Variants in IL1RAP observed in about 807,000 individuals in gnomAD.
IL1RAP encodes interleukin 1 receptor accessory protein.
In IL1RAP, 35 loss-of-function variants were observed where a neutral mutation model predicts 60.7. The observed-to-expected ratio is 0.58, with a 90% CI of 0.44 to 0.76. The LOEUF (loss-of-function observed/expected upper bound fraction) is 0.76, where lower values mean the gene tolerates loss of function less well. Ranked by LOEUF, IL1RAP falls within the 30% of genes least tolerant of loss-of-function variation. The probability of loss-of-function intolerance (pLI) is 0.00; values close to 1 mark genes in which losing one functional copy is unlikely to be tolerated. For synonymous variants in IL1RAP, 268 were observed against 250.9 expected (o/e 1.07, Z -0.64); for missense variants, 572 against 693.9 (o/e 0.82, Z 1.97).
intron 1 of IL1RAP, among the ~76,000 whole-genome samples, chr3:190,539,217 G>C (rs1039112950): frequency 6.6e-6 from 1 of 152,076 alleles, no homozygotes; most frequent in African/African-American, 2.4e-5. Context: ...TTTATGAATA[G>C]GACTATATCT....
intron 6 of IL1RAP, among the ~76,000 whole-genome samples, chr3:190,620,804 A>T (rs1480819905): frequency 3.3e-5 from 5 of 152,226 alleles, no homozygotes; most frequent in African/African-American, 9.6e-5. Context: ...TATTTAAAAA[A>T]ATATTCATAT....
rs1417466619 is a variant in IL1RAP at position 190,572,402 on chromosome 3, AAG to A, written c.64+8053_64+8054del. ...CTCAAGGTAAAGGCAAATAAGAAAA[AAG>A]AGAAGAAGGAGAGAAAAGAGGAATA... On this transcript the variant is annotated intron_variant, in intron 3 of 11. Transcript: ENST00000447382. Among the ~76,000 whole-genome samples, 4 of 152,158 alleles carry A rather than the reference AAG, an allele frequency of 2.6e-5. No individual in the cohort carries two copies. The East Asian group carries it at 7.7e-4, about 29-fold the overall frequency.
rs754008838 is a variant in IL1RAP at position 190,629,453 on chromosome 3, A to G, written c.1006A>G (p.Ser336Gly). 2 of 1,613,774 alleles carry G rather than the reference A, an allele frequency of 1.2e-6. No individual in the cohort carries two copies. The highest frequency in any genetic ancestry group is 4.5e-5 in the East Asian group (2 of 44,862). The stretch of plus-strand genomic sequence containing the variant: ...GCGCAGCTATGTCTGTCATGCTAGA[A>G]GTGCCAAAGGCGAAGTTGCCAAAGC... ...LKRSYVCHAR[S>G]AKGEVAKAAK... The change falls in exon 9 of 12, where the codon AGT (serine) becomes GGT (glycine). Residue 336 changes from serine to glycine, a missense_variant. Coordinates refer to ENST00000447382, the MANE Select transcript of IL1RAP (RefSeq NM_002182.4).
intron 3 of IL1RAP, among the ~76,000 whole-genome samples, chr3:190,593,707 C>T (rs993298065): frequency 2.6e-5 from 4 of 152,020 alleles, no homozygotes; most frequent in African/African-American, 9.7e-5. Context: ...CAGGAAAGAC[C>T]CACCCCCATG....
chr3:190,636,623 G>C (rs2108837847), intron 9 of IL1RAP, among the ~76,000 whole-genome samples: 1 of 151,784 alleles, frequency 6.6e-6, no homozygotes, highest in Non-Finnish European at 1.5e-5. Flanking sequence ...CTCACTGCCA[G>C]CTTTCTTATA....
chr3:190,550,906 G>T (rs888922750), intron 1 of IL1RAP, among the ~76,000 whole-genome samples: 1 of 152,216 alleles, frequency 6.6e-6, no homozygotes, highest in African/African-American at 2.4e-5. Context: ...TTGCAAAATA[G>T]ACTTTAGTCT....
At chr3:190,545,181 G>A (rs1724261466) in intron 1 of IL1RAP, among the ~76,000 whole-genome samples, 2 of 152,110 alleles carry the variant, frequency 1.3e-5, no homozygotes, top group Non-Finnish European at 2.9e-5. Flanking sequence ...ACACCAAAGA[G>A]GACTGAAATA....
In IL1RAP at chr3:190,627,456, TG is replaced by T; in HGVS notation, c.902+12del. 6.2e-7 allele frequency: 1 copy of T among 1,610,516 alleles called. No individual in the cohort carries two copies. On this transcript the variant is annotated splice_region_variant and intron_variant, in intron 8 of 11. Transcript: ENST00000447382. ...ATGTCACCATTAACGAAAGGTATCA[TG>T]GGGGCCAGCAAGGGAGTGATTAACC... is the stretch of plus-strand genomic sequence containing the variant.
intron 3 of IL1RAP, among the ~76,000 whole-genome samples, chr3:190,589,601 G>T (rs1189078919): frequency 2.6e-5 from 4 of 152,172 alleles, no homozygotes; most frequent in East Asian, 1.9e-4. Context: ...CCTGAGAATT[G>T]CTGGGGAGGT....
intron 2 of IL1RAP, among the ~76,000 whole-genome samples, chr3:190,558,261 T>C (rs1274228852): frequency 6.6e-6 from 1 of 152,168 alleles, no homozygotes; most frequent in East Asian, 1.9e-4. Context: ...AGGTATAGCT[T>C]TTTGTATGAA....
chr3:190,612,871 G>A (rs1363320452), intron 5 of IL1RAP, among the ~76,000 whole-genome samples: 1 of 152,142 alleles, frequency 6.6e-6, no homozygotes, highest in East Asian at 1.9e-4. Flanking sequence ...CTTATGATAG[G>A]TTTGTTGGTA....
intron 8 of IL1RAP, among the ~76,000 whole-genome samples, chr3:190,628,075 A>G (rs1250815619): frequency 6.6e-6 from 1 of 152,246 alleles, no homozygotes; most frequent in Non-Finnish European, 1.5e-5. Flanking sequence ...GGGTAGTAAT[A>G]TAACTCACTT....
At chr3:190,644,749 CAATT>C (rs1277002851) in intron 10 of IL1RAP, among the ~76,000 whole-genome samples, 1 of 152,064 alleles carries the variant, frequency 6.6e-6, no homozygotes, top group Non-Finnish European at 1.5e-5. Context: ...TTTTAGCATG[CAATT>C]AATATTAAAA....
At chr3:190,540,610 A>G (rs1427790995) in intron 1 of IL1RAP, among the ~76,000 whole-genome samples, 2 of 152,008 alleles carry the variant, frequency 1.3e-5, no homozygotes, top group East Asian at 3.9e-4. Flanking sequence ...AATAACAGGA[A>G]TTAGTCTTTC....
chr3:190,656,458 A>C, downstream of IL1RAP: 1 of 1,537,236 alleles, frequency 6.5e-7, no homozygotes, highest in Non-Finnish European at 8.7e-7. Flanking sequence ...CCAGTGGGAG[A>C]CACACCTCTG....
Position 190,651,328 on chromosome 3 carries a change from T to C in IL1RAP, c.*2623T>C. ...CTTAGATGATTCCCAAGGACTCTAA[T>C]AAAAAATCACTTCATTGTATTTGGA... On this transcript the variant is annotated 3_prime_UTR_variant, in exon 12 of 12. Coordinates refer to ENST00000447382, the MANE Select transcript of IL1RAP (RefSeq NM_002182.4). The C allele has an allele frequency of 1.1e-6, 1 of 919,710 alleles. No homozygotes were observed. The highest frequency in any genetic ancestry group is 5.0e-5 in the South Asian group (1 of 19,952). The allele number at this position is 919,710 out of a possible 1,614,324, so 57.0% of individuals were successfully genotyped here. A position where few individuals can be genotyped will look rare whatever the true frequency, so the allele number is the denominator to read the frequency against.
intron 5 of IL1RAP, among the ~76,000 whole-genome samples, chr3:190,614,071 G>A (rs1330016700): frequency 2.0e-5 from 3 of 151,576 alleles, no homozygotes; most frequent in Non-Finnish European, 4.4e-5. Flanking sequence ...TCATCCCCAA[G>A]CATCTACCCG....
At chr3:190,566,223 T>A (rs906098883) in intron 3 of IL1RAP, among the ~76,000 whole-genome samples, 1 of 152,160 alleles carries the variant, frequency 6.6e-6, no homozygotes, top group African/African-American at 2.4e-5. Context: ...TACATAGGTG[T>A]TAAATGGTTG....
downstream of IL1RAP, chr3:190,655,936 A>G (rs1255661444): frequency 1.3e-6 from 2 of 1,537,396 alleles, no homozygotes; most frequent in Non-Finnish European, 1.7e-6. Context: ...CAGAAGGATG[A>G]TTGTTGTTCT....
Sources: allele counts gnomAD v4.1 joint callset (sites outside exome capture counted in the v4.1 genomes callset), GRCh38; gene constraint gnomAD v4.1.1; transcripts MANE v1.5; gene names NCBI Gene and HGNC (gene_info 2026-07-23, HGNC 2026-07-21).